VAV3: variants seen among roughly 807,000 people sequenced by gnomAD.
VAV3 encodes the protein vav guanine nucleotide exchange factor 3, also known as guanine nucleotide exchange factor VAV3.
A neutral mutation model predicts 131.2 loss-of-function variants in VAV3; 94 were observed. That is an observed-to-expected ratio of 0.72 (90% CI 0.61 to 0.85). The LOEUF (loss-of-function observed/expected upper bound fraction) is 0.85, where lower values mean the gene tolerates loss of function less well. Ranked by LOEUF, VAV3 falls within the 40% of genes least tolerant of loss-of-function variation. The pLI is 0.00. For synonymous variants in VAV3, 349 were observed against 342.0 expected, an observed-to-expected ratio of 1.02 and a Z score of -0.22; for missense variants, 939 against 1,002.7, an observed-to-expected ratio of 0.94 and a Z score of 0.86.
At chr1:107,745,138 T>A (rs1663256880) in intron 15 of VAV3, among the ~76,000 whole-genome samples, 3 of 152,274 alleles carry the variant, frequency 2.0e-5, no homozygotes, top group Middle Eastern at 6.8e-3. Context: ...AATAAAACCA[T>A]TTGCCGTCCT....
chr1:107,600,938 A>G (rs1651803462), intron 24 of VAV3, among the ~76,000 whole-genome samples: 1 of 152,184 alleles, frequency 6.6e-6, no homozygotes, highest in Admixed American at 6.5e-5. Context: ...CAGTTTTTTA[A>G]GTCCCATAGT....
In VAV3 at chr1:107,717,793, T is replaced by C. The variant is rs528673337; in HGVS notation, c.1503-12732A>G. On this transcript the variant is annotated intron_variant, in intron 15 of 26. Coordinates refer to ENST00000370056, the MANE Select transcript of VAV3 (RefSeq NM_006113.5). ...GCTGAGTTCAAGTCCTGGATATCCT[T>C]ATTAATCTTCTGTCTCGTTCATCTG... Among the ~76,000 whole-genome samples, 5 of 152,330 alleles carry C rather than the reference T, an allele frequency of 3.3e-5. No individual in the cohort carries two copies. In the East Asian group the frequency reaches 9.6e-4, roughly 29 times the overall value.
chr1:107,612,155 C>A (rs1213521148), intron 21 of VAV3, among the ~76,000 whole-genome samples: 1 of 147,068 alleles, frequency 6.8e-6, no homozygotes, highest in Non-Finnish European at 1.5e-5. Flanking sequence ...CACACACACA[C>A]ATACATACAG....
intron 2 of VAV3, among the ~76,000 whole-genome samples, chr1:107,816,622 G>T (rs1027411204): frequency 6.6e-6 from 1 of 152,130 alleles, no homozygotes; most frequent in African/African-American, 2.4e-5. Context: ...CTTAATGCTT[G>T]TCTCTTGACT....
intron 17 of VAV3, among the ~76,000 whole-genome samples, chr1:107,703,725 G>C (rs947747260): frequency 6.6e-6 from 1 of 152,106 alleles, no homozygotes; most frequent in Non-Finnish European, 1.5e-5. Flanking sequence ...GAAAATCAAA[G>C]GTTGACATGG....
chr1:107,668,319 A>T (rs1657551304), intron 19 of VAV3, among the ~76,000 whole-genome samples: 1 of 152,204 alleles, frequency 6.6e-6, no homozygotes. Context: ...AGTTATGGAA[A>T]CACATATATG....
At position 107,674,987 on chromosome 1, in the gene VAV3, G is replaced by C. The variant is rs76606555; in HGVS notation, c.1777+8501C>G. Among the ~76,000 whole-genome samples, 505 of 152,252 alleles carry C rather than the reference G, an allele frequency of 3.3e-3. 2 individuals carry two copies. Among genetic ancestry groups the C allele is most frequent in the Non-Finnish European group, 5.9e-3 (398 of 68,008 alleles). Reference sequence around the variant, plus strand: ...CCTCAGTTCACAGTCCAAAAGGAATGGAATCCCGCGAAAAGCAGTGTAAGT... The same window carrying C: ...CCTCAGTTCACAGTCCAAAAGGAATCGAATCCCGCGAAAAGCAGTGTAAGT... On this transcript the variant is annotated intron_variant, in intron 19 of 26. Coordinates refer to ENST00000370056, the MANE Select transcript of VAV3 (RefSeq NM_006113.5).
intron 1 of VAV3, among the ~76,000 whole-genome samples, chr1:107,896,540 C>G (rs1671587909): frequency 6.6e-6 from 1 of 152,146 alleles, no homozygotes; most frequent in South Asian, 2.1e-4. Context: ...AATTTGCTCT[C>G]CTGCATCTAT....
chr1:107,617,804 A>C (rs915116231), intron 20 of VAV3, among the ~76,000 whole-genome samples, 172 bp from the exon 21 acceptor site: 5 of 152,210 alleles, frequency 3.3e-5, no homozygotes, highest in African/African-American at 1.2e-4. Flanking sequence ...AAGCAGAGAT[A>C]GTTTTCTTGG....
intron 19 of VAV3, among the ~76,000 whole-genome samples, chr1:107,666,973 G>C (rs544959668): frequency 1.2e-4 from 18 of 152,272 alleles, no homozygotes; most frequent in African/African-American, 4.3e-4. Context: ...TTTCAAAAAG[G>C]CATCATAAGC....
intron 2 of VAV3, 95 bp from the exon 3 acceptor site, chr1:107,779,587 G>T: frequency 1.1e-6 from 1 of 894,118 alleles, no homozygotes; most frequent in Non-Finnish European, 1.6e-6. Context: ...AACCATAGCA[G>T]CAGAAACATA....
chr1:107,905,917 C>T (rs1296143180), intron 1 of VAV3, among the ~76,000 whole-genome samples: 2 of 152,014 alleles, frequency 1.3e-5, no homozygotes, highest in Admixed American at 6.6e-5. Flanking sequence ...CATGTAAACA[C>T]TAGATAAAAG....
At chr1:107,864,690 T>C (rs1328368815) in intron 2 of VAV3, among the ~76,000 whole-genome samples, 1 of 152,224 alleles carries the variant, frequency 6.6e-6, no homozygotes, top group Non-Finnish European at 1.5e-5. Flanking sequence ...GCTGTCACTA[T>C]TTCAAATGGG....
chr1:107,765,454 T>G (rs1664685778), intron 8 of VAV3, among the ~76,000 whole-genome samples: 1 of 152,242 alleles, frequency 6.6e-6, no homozygotes, highest in East Asian at 1.9e-4. Context: ...ACTGTTAATG[T>G]TATTTGAGTA....
chr1:107,585,735 C>G (rs1029376550), intron 25 of VAV3, among the ~76,000 whole-genome samples: 4 of 152,174 alleles, frequency 2.6e-5, no homozygotes, highest in African/African-American at 9.7e-5. Context: ...AGAAACAGAG[C>G]TTATTGTGGG....
At chr1:107,861,989 C>T (rs531936602) in intron 2 of VAV3, among the ~76,000 whole-genome samples, 2 of 151,674 alleles carry the variant, frequency 1.3e-5, no homozygotes, top group African/African-American at 4.8e-5. Context: ...GACTGCTCTA[C>T]GCACTGGCCT....
At chr1:107,881,228 T>C (rs568736342) in intron 1 of VAV3, among the ~76,000 whole-genome samples, 25 of 152,322 alleles carry the variant, frequency 1.6e-4, no homozygotes, top group African/African-American at 6.0e-4. Context: ...TAATGGGATT[T>C]AGACTAGGAT....
intron 19 of VAV3, among the ~76,000 whole-genome samples, chr1:107,682,890 G>A (rs1285860162): frequency 6.6e-6 from 1 of 152,122 alleles, no homozygotes; most frequent in African/African-American, 2.4e-5. Context: ...GTGGAAAGAA[G>A]GCATTGCATA....
At chr1:107,791,773 ATTCT>A (rs1286561543) in intron 2 of VAV3, among the ~76,000 whole-genome samples, 1 of 152,120 alleles carries the variant, frequency 6.6e-6, no homozygotes, top group Non-Finnish European at 1.5e-5. Context: ...GTTTTTTTCC[ATTCT>A]TTAACTCAGC....
Sources: gnomAD v4.1 joint callset for allele counts (sites outside exome capture counted in the v4.1 genomes callset) on GRCh38, gnomAD v4.1.1 for gene constraint, MANE v1.5 for transcripts, NCBI Gene and HGNC (gene_info 2026-07-23, HGNC 2026-07-21) for gene names.